The following ZNRF2 variants were observed in gnomAD, a reference collection of about 807,000 sequenced individuals.
ZNRF2 encodes E3 ubiquitin-protein ligase ZNRF2.
In ZNRF2, 16 loss-of-function variants were observed where a neutral mutation model predicts 20.4. That is an observed-to-expected ratio of 0.79 (90% CI 0.53 to 1.19). ZNRF2 has a LOEUF of 1.19. ZNRF2 is among the 50% of genes most tolerant of loss of function. The pLI is 0.00. For synonymous variants in ZNRF2, 178 were observed against 144.9 expected, an observed-to-expected ratio of 1.23 and a Z score of -1.64; for missense variants, 363 against 332.4, an observed-to-expected ratio of 1.09 and a Z score of -0.72.
At chr7:30,298,605 A>G (rs1799057043) in intron 1 of ZNRF2, among the ~76,000 whole-genome samples, 1 of 152,186 alleles carries the variant, frequency 6.6e-6, no homozygotes, top group Non-Finnish European at 1.5e-5. Flanking sequence ...TCAAAATGAT[A>G]CTTTCATTTA....
chr7:30,299,078 TCTTTA>T (rs1281842053), intron 1 of ZNRF2, among the ~76,000 whole-genome samples: 4 of 152,206 alleles, frequency 2.6e-5, no homozygotes, highest in Admixed American at 1.3e-4. Flanking sequence ...CAACTAGTTA[TCTTTA>T]CTTAGTTTTT....
chr7:30,349,645 G>C (rs1473729692), intron 2 of ZNRF2, among the ~76,000 whole-genome samples: 2 of 151,446 alleles, frequency 1.3e-5, no homozygotes, highest in African/African-American at 2.4e-5. Context: ...GCCACTATGA[G>C]CCTACATACA....
At chr7:30,291,658 A>G (rs758493221) in intron 1 of ZNRF2, among the ~76,000 whole-genome samples, 6 of 152,224 alleles carry the variant, frequency 3.9e-5, no homozygotes, top group Non-Finnish European at 2.9e-5. Context: ...AGTTCCTTTC[A>G]GGCCTGTTAA....
At chr7:30,286,986 A>G (rs2128053609) in intron 1 of ZNRF2, among the ~76,000 whole-genome samples, 1 of 152,332 alleles carries the variant, frequency 6.6e-6, no homozygotes, top group East Asian at 1.9e-4. Context: ...CGCCAGCATA[A>G]ATTAAAAACA....
intron 1 of ZNRF2, among the ~76,000 whole-genome samples, chr7:30,289,267 A>C (rs911587809): frequency 2.0e-5 from 3 of 152,178 alleles, no homozygotes; most frequent in Non-Finnish European, 2.9e-5. Flanking sequence ...AGTGTGGGTT[A>C]TCTCTTAAAA....
At chr7:30,322,680 A>T (rs1799490765) in intron 1 of ZNRF2, among the ~76,000 whole-genome samples, 1 of 150,550 alleles carries the variant, frequency 6.6e-6, no homozygotes, top group Non-Finnish European at 1.5e-5. Flanking sequence ...AAAAAAAAAA[A>T]TTGATTGGCC....
chr7:30,309,364 G>A (rs1799255842), intron 1 of ZNRF2, among the ~76,000 whole-genome samples: 1 of 152,150 alleles, frequency 6.6e-6, no homozygotes, highest in Non-Finnish European at 1.5e-5. Context: ...TGTTTAGAGT[G>A]CTCAGAAATT....
chr7:30,321,472 C>A (rs1799468373), intron 1 of ZNRF2, among the ~76,000 whole-genome samples: 1 of 151,580 alleles, frequency 6.6e-6, no homozygotes, highest in Admixed American at 6.6e-5. Context: ...TATTTATTTT[C>A]ATTTTAGTAG....
chr7:30,286,898 C>A (rs1240705645), intron 1 of ZNRF2, among the ~76,000 whole-genome samples: 1 of 152,128 alleles, frequency 6.6e-6, no homozygotes, highest in East Asian at 1.9e-4. Flanking sequence ...TATTTGTAAA[C>A]GTAGGAACTT....
intron 1 of ZNRF2, among the ~76,000 whole-genome samples, chr7:30,319,446 C>T (rs1799432894): frequency 6.6e-6 from 1 of 152,180 alleles, no homozygotes; most frequent in African/African-American, 2.4e-5. Context: ...GCCTGGAGGG[C>T]TGAAGTGCCT....
chr7:30,362,835 A>C (rs1394963939), intron 4 of ZNRF2, among the ~76,000 whole-genome samples: 1 of 151,714 alleles, frequency 6.6e-6, no homozygotes, highest in Admixed American at 6.6e-5. Context: ...GAATCACTTG[A>C]GGCTGGGCAT....
intron 2 of ZNRF2, among the ~76,000 whole-genome samples, chr7:30,330,861 TC>T (rs1029823045): frequency 2.0e-5 from 3 of 152,184 alleles, no homozygotes; most frequent in Non-Finnish European, 4.4e-5. Flanking sequence ...AACTTCGCCT[TC>T]TGTGGCAGGT....
chr7:30,293,308 G>C (rs964965357), intron 1 of ZNRF2, among the ~76,000 whole-genome samples: 12 of 148,944 alleles, frequency 8.1e-5, no homozygotes, highest in Non-Finnish European at 1.8e-4. Flanking sequence ...CAGTGCAGTA[G>C]TGCGATCTTG....
intron 1 of ZNRF2, among the ~76,000 whole-genome samples, chr7:30,290,460 C>G (rs1445745623): frequency 6.6e-6 from 1 of 152,178 alleles, no homozygotes; most frequent in Admixed American, 6.5e-5. Context: ...GGGGAAAGGT[C>G]TGCCCACAGA....
intron 2 of ZNRF2, among the ~76,000 whole-genome samples, chr7:30,324,036 A>T (rs1031475345): frequency 6.6e-6 from 1 of 152,236 alleles, no homozygotes; most frequent in African/African-American, 2.4e-5. Context: ...AATTATGTTG[A>T]CAACTTTTAA....
chr7:30,301,786 G>A (rs895868943), intron 1 of ZNRF2, among the ~76,000 whole-genome samples: 5 of 150,578 alleles, frequency 3.3e-5, no homozygotes, highest in Admixed American at 6.6e-5. Context: ...AACAATCTCC[G>A]AAAAGGTAAT....
intron 1 of ZNRF2, among the ~76,000 whole-genome samples, chr7:30,299,235 C>T (rs1367380388): frequency 2.0e-5 from 3 of 151,936 alleles, no homozygotes; most frequent in Non-Finnish European, 2.9e-5. Flanking sequence ...CGAGACCAGC[C>T]GGACTAACAT....
intron 2 of ZNRF2, among the ~76,000 whole-genome samples, chr7:30,348,648 C>G (rs1799916227): frequency 1.3e-5 from 2 of 152,218 alleles, no homozygotes; most frequent in Non-Finnish European, 2.9e-5. Context: ...TGGCATTCTA[C>G]TCGTAAAAGC....
chr7:30,327,848 C>A (rs1799578543), intron 2 of ZNRF2, among the ~76,000 whole-genome samples: 5 of 152,000 alleles, frequency 3.3e-5, no homozygotes, highest in Non-Finnish European at 2.9e-5. Context: ...ACTACAGGTG[C>A]ATGCCACCAT....
Sources: allele counts gnomAD v4.1 joint callset (sites outside exome capture counted in the v4.1 genomes callset), GRCh38; gene constraint gnomAD v4.1.1; transcripts MANE v1.5; gene names NCBI Gene and HGNC (gene_info 2026-07-23, HGNC 2026-07-21).